ZMYM2: variants seen among roughly 807,000 people sequenced by gnomAD.
ZMYM2 encodes zinc finger MYM-type containing 2.
In ZMYM2, 56 loss-of-function variants were observed where a neutral mutation model predicts 162.8. The observed-to-expected ratio is 0.34, with a 90% CI of 0.28 to 0.43. ZMYM2 has a LOEUF of 0.43. ZMYM2 is among the 20% of genes least tolerant of loss of function. The pLI is 1.00. For synonymous variants in ZMYM2, 510 were observed against 541.6 expected (o/e 0.94, Z 0.81); for missense variants, 1,275 against 1,621.8 (o/e 0.79, Z 3.67).
At chr13:20,078,115 G>A (rs925288041) in intron 21 of ZMYM2, among the ~76,000 whole-genome samples, 1 of 151,764 alleles carries the variant, frequency 6.6e-6, no homozygotes, top group Non-Finnish European at 1.5e-5. Context: ...CACTGCACCT[G>A]GCCAGTTTTA....
At chr13:19,954,172 A>T (rs1954473055), upstream of ZMYM2, among the ~76,000 whole-genome samples, 1 of 96,108 alleles carries the variant, frequency 1.0e-5, no homozygotes, top group South Asian at 3.7e-4. Context: ...TCTGTCGCCC[A>T]GGCTGGAGTG....
Position 20,080,377 on chromosome 13 carries a change from AC to A in ZMYM2, c.3454-1638del, listed in dbSNP as rs1393657421. 4.6e-5 allele frequency among the ~76,000 whole-genome samples: 7 copies of A among 152,304 alleles called. No individual in the cohort carries two copies. In the East Asian group the frequency reaches 1.3e-3, roughly 29 times the overall value. ...GTTTTGATTAGTGTATACATGGTGT[AC>A]ATTTTTTCTTTTACTTTTCACTTAT... On this transcript the variant is annotated intron_variant, in intron 21 of 24. Coordinates refer to ENST00000610343, the MANE Select transcript of ZMYM2 (RefSeq NM_197968.4).
intron 2 of ZMYM2, among the ~76,000 whole-genome samples, chr13:19,981,243 G>A (rs1238771165): frequency 6.6e-6 from 1 of 151,982 alleles, no homozygotes; most frequent in African/African-American, 2.4e-5. Flanking sequence ...TTGCATTCCA[G>A]CCTAGGTTGC....
At chr13:19,884,824 T>G in the ZMYM2 span, among the ~76,000 whole-genome samples, 1 of 151,918 alleles carries the variant, frequency 6.6e-6, no homozygotes, top group Non-Finnish European at 1.5e-5. Flanking sequence ...CAACAAACAT[T>G]CCAGCAGTAA....
intron 10 of ZMYM2, among the ~76,000 whole-genome samples, chr13:20,034,023 T>C (rs1263926904): frequency 6.6e-6 from 1 of 152,234 alleles, no homozygotes; most frequent in East Asian, 1.9e-4. Flanking sequence ...AGTGATACTT[T>C]TACTTCCATT....
the ZMYM2 span, among the ~76,000 whole-genome samples, chr13:19,885,637 C>T: frequency 5.3e-5 from 8 of 151,908 alleles, no homozygotes; most frequent in East Asian, 1.6e-3. Context: ...GTCAGGAGTT[C>T]GAAAGAGTCC....
At chr13:20,043,747 G>T (rs965508640) in intron 12 of ZMYM2, among the ~76,000 whole-genome samples, 3 of 152,132 alleles carry the variant, frequency 2.0e-5, no homozygotes, top group African/African-American at 4.8e-5. Context: ...GCAGGGCAGG[G>T]TGCACACACA....
chr13:20,019,551 G>A lies in ZMYM2; in HGVS notation c.1517G>A (p.Gly506Asp). Residue 506 changes from glycine (G) to aspartate (D), a missense_variant, in exon 7 of 25, where the codon GGT (glycine) becomes GAT (aspartate). Gly to Asp is a moderately conservative substitution (Grantham distance 94). This residue lies in a region of ZMYM2 where 276 missense variants were observed against 311.8 expected (regional missense o/e 0.89). Coordinates refer to ENST00000610343, the MANE Select transcript of ZMYM2 (RefSeq NM_197968.4). ...TCTTTTAAAATCTTTTTTTAGGTAGGTAGCCATCCAAGCTTCCTGAAGGAG... is the reference window on the plus strand; with the variant it reads ...TCTTTTAAAATCTTTTTTTAGGTAGATAGCCATCCAAGCTTCCTGAAGGAG... ...QSCVSEYKQV[G>D]SHPSFLKEVR... The A allele has an allele frequency of 6.3e-7, 1 of 1,584,052 alleles. No homozygotes were observed. Among genetic ancestry groups the A allele is most frequent in the Non-Finnish European group, 8.6e-7 (1 of 1,164,576 alleles).
At chr13:20,002,036 T>C (rs972058077) in intron 3 of ZMYM2, among the ~76,000 whole-genome samples, 40 of 152,344 alleles carry the variant, frequency 2.6e-4, no homozygotes, top group Non-Finnish European at 2.8e-4. Context: ...TTCTGAGATA[T>C]GCCTGTATAC....
intron 3 of ZMYM2, among the ~76,000 whole-genome samples, chr13:19,999,793 T>A (rs1435340618): frequency 6.6e-6 from 1 of 152,132 alleles, no homozygotes; most frequent in African/African-American, 2.4e-5. Context: ...ACAGGAATGA[T>A]AACAAAGTGA....
At chr13:20,052,411 G>GTT (rs373948094) in intron 14 of ZMYM2, 100 bp downstream of exon 14, 211 of 1,035,724 alleles carry the variant, frequency 2.0e-4, no homozygotes, top group African/African-American at 3.3e-4. Flanking sequence ...AATTTTTTTG[G>GTT]TTTTTTTTTT....
chr13:19,888,233 A>C, the ZMYM2 span, among the ~76,000 whole-genome samples: 2 of 151,424 alleles, frequency 1.3e-5, no homozygotes, highest in Admixed American at 6.6e-5. Flanking sequence ...CTGTTGCCCA[A>C]GCTGGAGTGC....
chr13:19,980,184 A>G (rs1473330803), intron 2 of ZMYM2, among the ~76,000 whole-genome samples: 2 of 151,982 alleles, frequency 1.3e-5, no homozygotes, highest in East Asian at 3.8e-4. Context: ...TGGCTCCCCA[A>G]ATTTTTATTT....
chr13:20,043,680 C>G (rs953598295), intron 12 of ZMYM2, among the ~76,000 whole-genome samples: 5 of 152,014 alleles, frequency 3.3e-5, no homozygotes, highest in Non-Finnish European at 7.4e-5. Flanking sequence ...AAGGCTCCAA[C>G]TGCAGTGTCG....
chr13:19,897,562 A>AG, the ZMYM2 span, among the ~76,000 whole-genome samples: 1 of 150,442 alleles, frequency 6.6e-6, no homozygotes, highest in African/African-American at 2.5e-5. Flanking sequence ...ATATTAAAAA[A>AG]AAAAAGAAAA....
At chr13:19,955,265 G>C (rs954855009), upstream of ZMYM2, among the ~76,000 whole-genome samples, 1 of 152,018 alleles carries the variant, frequency 6.6e-6, no homozygotes, top group Non-Finnish European at 1.5e-5. Context: ...AGTCAAGTAT[G>C]AATGATAAAA....
the ZMYM2 span, among the ~76,000 whole-genome samples, chr13:19,865,688 C>T: frequency 6.6e-6 from 1 of 152,090 alleles, no homozygotes; most frequent in Non-Finnish European, 1.5e-5. Context: ...TGATACTGTT[C>T]AAAGATTAAA....
At chr13:19,914,555 T>C in the ZMYM2 span, among the ~76,000 whole-genome samples, 2 of 152,234 alleles carry the variant, frequency 1.3e-5, no homozygotes, top group Non-Finnish European at 2.9e-5. Flanking sequence ...TGGATTCCTT[T>C]CACCATGGAA....
chr13:20,063,101 C>A, intron 18 of ZMYM2, 130 bp downstream of exon 18: 1 of 1,166,400 alleles, frequency 8.6e-7, no homozygotes, highest in South Asian at 1.9e-5. Flanking sequence ...ATTTTTTAAA[C>A]TCACCTTAAG....
Sources: gnomAD v4.1 joint callset for allele counts (sites outside exome capture counted in the v4.1 genomes callset) on GRCh38, gnomAD v4.1.1 for gene constraint, gnomAD v4.1.1 regional missense constraint, MANE v1.5 for transcripts, NCBI Gene and HGNC (gene_info 2026-07-23, HGNC 2026-07-21) for gene names.